The following FSIP1 variants were observed in gnomAD, a reference collection of about 807,000 sequenced individuals.
FSIP1 encodes the protein fibrous sheath-interacting protein 1.
FSIP1 carries 65 observed loss-of-function variants against 60.9 expected under a neutral mutation model. The observed-to-expected ratio is 1.07, with a 90% confidence interval of 0.87 to 1.31. The LOEUF (loss-of-function observed/expected upper bound fraction) is 1.31. FSIP1 is among the 40% of genes most tolerant of loss of function. The pLI, the probability that FSIP1 is intolerant of heterozygous loss-of-function variation, is 0.00. For synonymous variants in FSIP1, 209 were observed against 221.2 expected (o/e 0.94, Z 0.49); for missense variants, 675 against 665.5 (o/e 1.01, Z -0.16).
intron 9 of FSIP1, among the ~76,000 whole-genome samples, chr15:39,716,419 AC>A (rs1181464491): frequency 6.6e-6 from 1 of 152,196 alleles, no homozygotes; most frequent in African/African-American, 2.4e-5. Context: ...AAATGAACAA[AC>A]CACCAACTGA....
intron 10 of FSIP1, among the ~76,000 whole-genome samples, chr15:39,620,311 G>T (rs924471398): frequency 3.3e-5 from 5 of 152,126 alleles, no homozygotes; most frequent in African/African-American, 1.2e-4. Context: ...GAAACAAGGG[G>T]TGTTTGCACT....
chr15:39,748,468 T>C (rs1212367182), intron 5 of FSIP1, among the ~76,000 whole-genome samples: 1 of 152,166 alleles, frequency 6.6e-6, no homozygotes, highest in Admixed American at 6.5e-5. Flanking sequence ...ATTCTCCGTG[T>C]GGAGCTTCCT....
chr15:39,761,864 T>G (rs1192303795), intron 5 of FSIP1, among the ~76,000 whole-genome samples: 1 of 152,152 alleles, frequency 6.6e-6, no homozygotes, highest in Non-Finnish European at 1.5e-5. Flanking sequence ...CAATAAAAAT[T>G]TTTAAGTTAA....
chr15:39,755,981 C>T (rs1897288774), intron 5 of FSIP1, among the ~76,000 whole-genome samples: 1 of 151,988 alleles, frequency 6.6e-6, no homozygotes, highest in South Asian at 2.1e-4. Flanking sequence ...ATTTTTGCAA[C>T]ATGCCTCTAA....
At chr15:39,648,290 A>G (rs1892713685) in intron 10 of FSIP1, among the ~76,000 whole-genome samples, 1 of 152,022 alleles carries the variant, frequency 6.6e-6, no homozygotes, top group Non-Finnish European at 1.5e-5. Flanking sequence ...CTAAATTTTA[A>G]TTTTAGTCTC....
At chr15:39,718,650 C>T (rs996192841) in intron 9 of FSIP1, among the ~76,000 whole-genome samples, 1 of 151,976 alleles carries the variant, frequency 6.6e-6, no homozygotes, top group African/African-American at 2.4e-5. Flanking sequence ...GTGCACACCA[C>T]CTCGCCTGGC....
chr15:39,648,077 G>A (rs1326268334), intron 10 of FSIP1, among the ~76,000 whole-genome samples: 1 of 151,490 alleles, frequency 6.6e-6, no homozygotes, highest in Non-Finnish European at 1.5e-5. Context: ...TAGATGACGA[G>A]TTAGTGGGTG....
In FSIP1 at chr15:39,680,519, G is replaced by A. The variant is rs137875774; in HGVS notation, c.1188+32925C>T. On this transcript the variant is annotated intron_variant, in intron 10 of 11. Transcript: ENST00000350221. ...AATGGGATGTGAGTATACATATTACGCACAACTTCTCAGTCATGATCTTTG... is the reference window on the plus strand; with the variant it reads ...AATGGGATGTGAGTATACATATTACACACAACTTCTCAGTCATGATCTTTG... Among the ~76,000 whole-genome samples, 19 of 152,208 alleles carry A rather than the reference G, an allele frequency of 1.2e-4. No homozygotes were observed. In the East Asian group the frequency reaches 3.1e-3, roughly 25 times the overall value.
chr15:39,735,376 T>C (rs1487221514), intron 8 of FSIP1, among the ~76,000 whole-genome samples: 3 of 152,234 alleles, frequency 2.0e-5, no homozygotes, highest in African/African-American at 7.2e-5. Context: ...TTGTAGGTGA[T>C]TGTTAACACA....
chr15:39,729,445 G>T (rs1212661521), intron 8 of FSIP1, among the ~76,000 whole-genome samples: 2 of 152,122 alleles, frequency 1.3e-5, no homozygotes, highest in Non-Finnish European at 2.9e-5. Context: ...GTGGTGATAT[G>T]CACCTGTAGT....
intron 10 of FSIP1, among the ~76,000 whole-genome samples, chr15:39,672,428 A>C (rs1429623570): frequency 6.6e-6 from 1 of 152,204 alleles, no homozygotes; most frequent in Admixed American, 6.5e-5. Context: ...CCTTCTCTCC[A>C]GGAATAGTAC....
chr15:39,722,481 G>C (rs183146229), intron 9 of FSIP1, among the ~76,000 whole-genome samples: 5 of 152,212 alleles, frequency 3.3e-5, no homozygotes, highest in Non-Finnish European at 7.4e-5. Flanking sequence ...CACTGCTGTA[G>C]GCCACCAGTT....
chr15:39,681,264 A>G (rs1376295274), intron 10 of FSIP1, among the ~76,000 whole-genome samples: 7 of 151,884 alleles, frequency 4.6e-5, no homozygotes, highest in African/African-American at 1.7e-4. Context: ...TTATACACCA[A>G]AAGGTTTATA....
At chr15:39,654,482 G>A (rs1892996124) in intron 10 of FSIP1, among the ~76,000 whole-genome samples, 1 of 152,184 alleles carries the variant, frequency 6.6e-6, no homozygotes, top group South Asian at 2.1e-4. Context: ...TGTGATACCT[G>A]TGTACTAAAT....
At chr15:39,706,810 C>T (rs1895291927) in intron 10 of FSIP1, among the ~76,000 whole-genome samples, 1 of 152,142 alleles carries the variant, frequency 6.6e-6, no homozygotes, top group South Asian at 2.1e-4. Flanking sequence ...CAGGACTTTC[C>T]TATGTTTCTT....
At chr15:39,769,278 CAAAAAAAAAAAAA>C (rs536401282) in intron 3 of FSIP1, among the ~76,000 whole-genome samples, 1 of 85,852 alleles carries the variant, frequency 1.2e-5, no homozygotes, top group Non-Finnish European at 2.5e-5. Flanking sequence ...GACTCCGTCT[CAAAAAAAAAAAAA>C]AAAGAAAAGT....
At chr15:39,778,537 T>C (rs763239903) in intron 1 of FSIP1, among the ~76,000 whole-genome samples, 10 of 152,220 alleles carry the variant, frequency 6.6e-5, no homozygotes, top group Admixed American at 4.6e-4. Flanking sequence ...TTGGATCTTA[T>C]AGATGTATTT....
chr15:39,772,240 T>C (rs527580630), intron 2 of FSIP1, among the ~76,000 whole-genome samples: 2 of 152,260 alleles, frequency 1.3e-5, no homozygotes, highest in South Asian at 2.1e-4. Context: ...CTGTGGCCTA[T>C]ATGCATGATT....
intron 3 of FSIP1, among the ~76,000 whole-genome samples, chr15:39,769,679 A>G (rs1897816946): frequency 6.6e-6 from 1 of 152,210 alleles, no homozygotes; most frequent in South Asian, 2.1e-4. Context: ...AAAATTTCAT[A>G]AAATTGATAG....
Sources: gnomAD v4.1 joint callset for allele counts (sites outside exome capture counted in the v4.1 genomes callset) on GRCh38, gnomAD v4.1.1 for gene constraint, MANE v1.5 for transcripts, NCBI Gene and HGNC (gene_info 2026-07-23, HGNC 2026-07-21) for gene names.